Variants in ZC3H14 observed in about 807,000 individuals in gnomAD.
ZC3H14 encodes the protein zinc finger CCCH-type containing 14.
ZC3H14 carries 31 observed loss-of-function variants against 92.4 expected under a neutral mutation model. That is an observed-to-expected ratio of 0.34 (90% CI 0.25 to 0.45). The LOEUF (loss-of-function observed/expected upper bound fraction) is 0.45. Among genes scored for constraint, ZC3H14 ranks in the 20% least tolerant of loss-of-function variants. The probability of loss-of-function intolerance (pLI) is 1.00; values close to 1 mark genes in which losing one functional copy is unlikely to be tolerated. For missense variants in ZC3H14, 781 were observed against 897.3 expected (o/e 0.87, Z 1.66); for synonymous variants, 321 against 300.9 (o/e 1.07, Z -0.69).
Position 88,627,526 on chromosome 14 carries a change from C to A in ZC3H14, c.*15775C>A, listed in dbSNP as rs1367024715. On this transcript the variant is annotated 3_prime_UTR_variant, in exon 17 of 17. Transcript: ENST00000251038. ...CAGTACCACTGTGTACAGTATATTG[C>A]ATAGGCCTCCACTGAATGATTGTTT... 2.6e-5 allele frequency: 25 copies of A among 966,288 alleles called. No homozygotes were observed. The Admixed American group carries it at 7.2e-4, about 28-fold the overall frequency. The allele number at this position is 966,288 out of a possible 1,614,324, so 59.9% of individuals were successfully genotyped here.
rs1488104008 is a variant in ZC3H14, at chr14:88,616,968, G to GTACCC, written c.*5220_*5224dup. On this transcript the variant is annotated 3_prime_UTR_variant, in exon 17 of 17. Coordinates refer to ENST00000251038, the MANE Select transcript of ZC3H14 (RefSeq NM_024824.5). ...AAGTTTCTTGGCAATTAATCTCTAA[G>GTACCC]TACCCTATCATGTTACTTAAAATAC... 2 of 1,257,854 alleles carry GTACCC rather than the reference G, an allele frequency of 1.6e-6. No individual in the cohort carries two copies. Among genetic ancestry groups the GTACCC allele is most frequent in the African/African-American group, 3.0e-5 (2 of 67,098 alleles). The allele number at this position is 1,257,854 out of a possible 1,614,324, so 77.9% of individuals were successfully genotyped here.
In ZC3H14 at chr14:88,575,691, T is replaced by A. The variant is rs552719643; in HGVS notation, c.1023-149T>A. ...GTAAGAGTCTGTCTAAAAAAAAAAA[T>A]AAGGTTCCAGTGTAGTTGGCATTTT... On this transcript the variant is annotated intron_variant, in intron 7 of 16. Coordinates refer to ENST00000251038, the MANE Select transcript of ZC3H14 (RefSeq NM_024824.5). 1.6e-4 allele frequency: 96 copies of A among 597,120 alleles called. No homozygotes were observed. The African/African-American group carries it at 1.7e-3, about 10-fold the overall frequency. 37.0% of individuals were successfully genotyped at this position (597,120 alleles called of 1,614,324 possible). A position where few individuals can be genotyped will look rare whatever the true frequency, so the allele number is the denominator to read the frequency against.
At chr14:88,563,190 G>C in intron 1 of ZC3H14, 21 bp downstream of exon 1, 1 of 1,602,404 alleles carries the variant, frequency 6.2e-7, no homozygotes, top group Non-Finnish European at 8.5e-7. Context: ...TGCCGGTCGG[G>C]GGTGGGAAGC....
chr14:88,611,739 A>C lies in ZC3H14; in HGVS notation c.2205-6A>C. The C allele has an allele frequency of 6.2e-7, 1 of 1,614,050 alleles. No individual in the cohort carries two copies. The highest frequency in any genetic ancestry group is 8.5e-7 in the Non-Finnish European group (1 of 1,179,954). On this transcript the variant is annotated splice_region_variant and splice_polypyrimidine_tract_variant and intron_variant, in intron 16 of 16. Coordinates refer to ENST00000251038, the MANE Select transcript of ZC3H14 (RefSeq NM_024824.5). ...ATTAAAACAATTTTTGGTTCTGTTCATTCAGCGAATAGCACCCAGTCCTGC... is the reference window on the plus strand; with the variant it reads ...ATTAAAACAATTTTTGGTTCTGTTCCTTCAGCGAATAGCACCCAGTCCTGC...
Position 88,618,196 on chromosome 14 carries a change from A to G in ZC3H14, c.*6445A>G. On this transcript the variant is annotated 3_prime_UTR_variant, in exon 17 of 17. Transcript: ENST00000251038. ...GATTTTCTAACTGGCCTTCAAAGTCAGTTCTTGCCTTGTGAATATATAAGT... is the reference window on the plus strand; with the variant it reads ...GATTTTCTAACTGGCCTTCAAAGTCGGTTCTTGCCTTGTGAATATATAAGT... 1 of 1,585,034 alleles carries G rather than the reference A, an allele frequency of 6.3e-7. No homozygotes were observed. Among genetic ancestry groups the G allele is most frequent in the Non-Finnish European group, 8.7e-7 (1 of 1,155,666 alleles).
chr14:88,563,553 G>T (rs2079159738), intron 1 of ZC3H14, 98 bp from the exon 2 acceptor site: 2 of 1,588,024 alleles, frequency 1.3e-6, no homozygotes, highest in South Asian at 2.2e-5. Context: ...GGGATCCGAG[G>T]TGCGCGCACC....
chr14:88,565,155 T>A (rs1182207015), intron 2 of ZC3H14, among the ~76,000 whole-genome samples: 4 of 152,184 alleles, frequency 2.6e-5, no homozygotes, highest in Admixed American at 6.5e-5. Flanking sequence ...TATTATTATT[T>A]TTTTTGAGAT....
intron 9 of ZC3H14, among the ~76,000 whole-genome samples, chr14:88,583,051 A>T (rs1327724607): frequency 1.4e-5 from 2 of 142,146 alleles, no homozygotes; most frequent in South Asian, 2.2e-4. Context: ...CTTTTCAAAG[A>T]CTTAACAACA....
Position 88,611,972 on chromosome 14 carries a change from A to C in ZC3H14, c.*221A>C. On this transcript the variant is annotated 3_prime_UTR_variant, in exon 17 of 17. Transcript: ENST00000251038. ...TTTTTGTTTTGTTTTTACTATGAAA[A>C]GACAGCTTAAGGAAGAGCTAAATTC... is the stretch of plus-strand genomic sequence containing the variant. 1 of 612,380 alleles carries C rather than the reference A, an allele frequency of 1.6e-6. No individual in the cohort carries two copies. Among genetic ancestry groups the C allele is most frequent in the Non-Finnish European group, 2.8e-6 (1 of 353,302 alleles). The allele number at this position is 612,380 out of a possible 1,614,324, so 37.9% of individuals were successfully genotyped here.
chr14:88,572,169 A>G lies in ZC3H14; in HGVS notation c.375A>G (p.Glu125=), dbSNP rs564469863. Residue 125 remains glutamate (E), a synonymous_variant, in exon 5 of 17, where the codon GAA becomes GAG. Transcript: ENST00000251038. ...PPLAIPSARP[E]KRDSRVSTSS... ...TTGCCATTCCTAGCGCGAGACCTGA[A>G]AAAAGAGATTCCAGAGTTTCTACAA... is the stretch of plus-strand genomic sequence containing the variant. 4.3e-6 allele frequency: 7 copies of G among 1,614,182 alleles called. No individual in the cohort carries two copies. Among genetic ancestry groups the G allele is most frequent in the African/African-American group, 2.7e-5 (2 of 75,046 alleles).
In ZC3H14 at chr14:88,616,325, A is replaced by C; in HGVS notation, c.*4574A>C. ...CTTATTAGGAACTATAATCTCTATG[A>C]CAAGAGCTGTGGAGAGAGTAGGGAG... On this transcript the variant is annotated 3_prime_UTR_variant, in exon 17 of 17. Coordinates refer to ENST00000251038, the MANE Select transcript of ZC3H14 (RefSeq NM_024824.5). The C allele has an allele frequency of 1.3e-5, 18 of 1,336,922 alleles. No homozygotes were observed. The highest frequency in any genetic ancestry group is 1.7e-5 in the Non-Finnish European group (16 of 932,032). The allele number at this position is 1,336,922 out of a possible 1,614,324, so 82.8% of individuals were successfully genotyped here.
At chr14:88,563,410 A>T in intron 1 of ZC3H14, 1 of 1,429,200 alleles carries the variant, frequency 7.0e-7, no homozygotes, top group African/African-American at 1.5e-5. Context: ...GCCCGGCTGG[A>T]GCCACCACCG....
chr14:88,606,250 C>G (rs1189712048), intron 12 of ZC3H14, among the ~76,000 whole-genome samples: 2 of 152,162 alleles, frequency 1.3e-5, no homozygotes. Context: ...AATCTGGCAA[C>G]AGGGGTCCCA....
chr14:88,564,761 G>T (rs1204583371), intron 2 of ZC3H14, among the ~76,000 whole-genome samples: 1 of 152,122 alleles, frequency 6.6e-6, no homozygotes, highest in African/African-American at 2.4e-5. Flanking sequence ...GAAGTCCAGG[G>T]TTTACAAAAT....
intron 9 of ZC3H14, among the ~76,000 whole-genome samples, chr14:88,582,479 G>C (rs1332876024): frequency 6.6e-6 from 1 of 152,186 alleles, no homozygotes; most frequent in African/African-American, 2.4e-5. Context: ...GTAGTGGCTA[G>C]GGATACCCAG....
At position 88,616,232 on chromosome 14, in the gene ZC3H14, T is replaced by A. The variant is rs746395722; in HGVS notation, c.*4481T>A. ...ATGGGGCGAATGACCCAAGAACCTT[T>A]TGTGTTTTGCCTAAAAAACAATGAC... On this transcript the variant is annotated 3_prime_UTR_variant, in exon 17 of 17. Coordinates refer to ENST00000251038, the MANE Select transcript of ZC3H14 (RefSeq NM_024824.5). 1.9e-4 allele frequency: 311 copies of A among 1,613,738 alleles called. No homozygotes were observed. Among genetic ancestry groups the A allele is most frequent in the Non-Finnish European group, 2.5e-4 (295 of 1,179,776 alleles).
Position 88,618,208 on chromosome 14 carries a change from G to A in ZC3H14, c.*6457G>A, listed in dbSNP as rs780829670. On this transcript the variant is annotated 3_prime_UTR_variant, in exon 17 of 17. Coordinates refer to ENST00000251038, the MANE Select transcript of ZC3H14 (RefSeq NM_024824.5). ...GGCCTTCAAAGTCAGTTCTTGCCTT[G>A]TGAATATATAAGTATTTACCTAGTC... 6.2e-7 allele frequency: 1 copy of A among 1,603,732 alleles called. No individual in the cohort carries two copies. Among genetic ancestry groups the A allele is most frequent in the Non-Finnish European group, 8.5e-7 (1 of 1,171,614 alleles).
At chr14:88,605,921 A>G (rs901523659) in intron 12 of ZC3H14, among the ~76,000 whole-genome samples, 1 of 152,220 alleles carries the variant, frequency 6.6e-6, no homozygotes, top group Admixed American at 6.5e-5. Flanking sequence ...GAGGAAACAG[A>G]ATTCCAAAAA....
intron 10 of ZC3H14, among the ~76,000 whole-genome samples, chr14:88,597,215 C>G (rs184656176): frequency 3.9e-5 from 6 of 152,232 alleles, no homozygotes; most frequent in Admixed American, 3.9e-4. Flanking sequence ...ATCACCAGGG[C>G]CACACCTGGA....
Sources: allele counts gnomAD v4.1 joint callset (sites outside exome capture counted in the v4.1 genomes callset), GRCh38; gene constraint gnomAD v4.1.1; transcripts MANE v1.5; gene names NCBI Gene and HGNC (gene_info 2026-07-23, HGNC 2026-07-21).